The following EXOC4 variants were observed in gnomAD, a reference collection of about 807,000 sequenced individuals.
EXOC4 encodes SEC8-like 1.
Under a neutral mutation model 107.2 loss-of-function variants are expected in EXOC4, and 71 were observed. The observed-to-expected ratio is 0.66, with a 90% CI of 0.55 to 0.81. The LOEUF is 0.81. EXOC4 is among the 30% of genes least tolerant of loss of function. The probability of loss-of-function intolerance (pLI) is 0.00; values close to 1 mark genes in which losing one functional copy is unlikely to be tolerated. For missense variants in EXOC4, 1,108 were observed against 1,189.6 expected, an observed-to-expected ratio of 0.93 and a Z score of 1.01; for synonymous variants, 456 against 441.2, an observed-to-expected ratio of 1.03 and a Z score of -0.42.
At position 134,056,244 on chromosome 7, in the gene EXOC4, GAA is replaced by G. The variant is rs548927708; in HGVS notation, c.2688-8044_2688-8043del. Among the ~76,000 whole-genome samples, 224 of 152,216 alleles carry G rather than the reference GAA, an allele frequency of 1.5e-3. 1 individual carries two copies. The highest frequency in any genetic ancestry group is 2.5e-3 in the Non-Finnish European group (170 of 68,010). ...ATTTGATGAACTATTTTCTTAAATT[GAA>G]AAGACTCTAAAGTGATATTCAGCTC... is the stretch of plus-strand genomic sequence containing the variant. On this transcript the variant is annotated intron_variant, in intron 17 of 17. Transcript: ENST00000253861.
chr7:133,520,026 AT>A (rs1259976662), intron 9 of EXOC4, among the ~76,000 whole-genome samples: 2 of 147,070 alleles, frequency 1.4e-5, no homozygotes, highest in African/African-American at 2.7e-5. Context: ...AAAAGTAAAT[AT>A]TTATTAAATG....
At chr7:133,537,841 G>A (rs1895561) in intron 9 of EXOC4, among the ~76,000 whole-genome samples, 150,673 of 152,368 alleles carry the variant, frequency 0.99, 74,523 homozygotes, top group East Asian at 1. Context: ...AAGTGTCATC[G>A]TGAAAGAACA....
intron 11 of EXOC4, among the ~76,000 whole-genome samples, chr7:133,824,191 G>A (rs753480325): frequency 2.6e-5 from 4 of 151,430 alleles, no homozygotes; most frequent in Non-Finnish European, 4.4e-5. Context: ...GGAGTAATGG[G>A]TGTAAAACAT....
chr7:133,554,149 T>TAA (rs1315503402), intron 9 of EXOC4, among the ~76,000 whole-genome samples: 2 of 152,154 alleles, frequency 1.3e-5, no homozygotes, highest in Non-Finnish European at 2.9e-5. Flanking sequence ...GGTGGATCTT[T>TAA]AGGAAAATAG....
rs561815405 is a variant in EXOC4, at chr7:133,590,172, G to A, written c.1418-39873G>A. Reference sequence around the variant, plus strand: ...CAGTGCACATGCAGGCCCCTGGTCCGTTGTGGGCATGCTCAGGCAAGACCT... The same window carrying A: ...CAGTGCACATGCAGGCCCCTGGTCCATTGTGGGCATGCTCAGGCAAGACCT... On this transcript the variant is annotated intron_variant, in intron 9 of 17. Coordinates refer to ENST00000253861, the MANE Select transcript of EXOC4 (RefSeq NM_021807.4). 2.2e-4 allele frequency among the ~76,000 whole-genome samples: 33 copies of A among 152,210 alleles called. 1 individual carries two copies. The highest frequency in any genetic ancestry group is 3.3e-4 in the Admixed American group (5 of 15,288).
intron 12 of EXOC4, among the ~76,000 whole-genome samples, chr7:133,904,271 A>T (rs1799519387): frequency 6.6e-6 from 1 of 152,196 alleles, no homozygotes; most frequent in South Asian, 2.1e-4. Flanking sequence ...CCCTGAAATT[A>T]TGTTTTTGGC....
chr7:133,795,133 A>G (rs1217656589), intron 10 of EXOC4, among the ~76,000 whole-genome samples: 2 of 152,196 alleles, frequency 1.3e-5, no homozygotes, highest in Non-Finnish European at 2.9e-5. Context: ...GTTGAATAGA[A>G]CTATTACCCT....
rs528299031 is a variant in EXOC4, at chr7:133,430,142, G to T, written c.1183-45186G>T. On this transcript the variant is annotated intron_variant, in intron 7 of 17. Coordinates refer to ENST00000253861, the MANE Select transcript of EXOC4 (RefSeq NM_021807.4). ...TGAGTGATGGAAGTGGCTGTCAGCG[G>T]GATGGGGAGCTGGAAAGGAGATGGA... Among the ~76,000 whole-genome samples the T allele has an allele frequency of 2.8e-3, 419 of 152,150 alleles. 6 individuals carry two copies. The highest frequency in any genetic ancestry group is 6.6e-3 in the Admixed American group (101 of 15,300).
chr7:133,699,375 A>C (rs960121692), intron 10 of EXOC4, among the ~76,000 whole-genome samples: 1 of 152,184 alleles, frequency 6.6e-6, no homozygotes. Context: ...CCAACTCGCC[A>C]AAGAGTTTAT....
intron 9 of EXOC4, among the ~76,000 whole-genome samples, chr7:133,499,158 G>T (rs1395207804): frequency 2.1e-5 from 3 of 144,744 alleles, no homozygotes; most frequent in African/African-American, 7.6e-5. Context: ...TTCCTTCTTT[G>T]TAGCACATGG....
chr7:133,291,205 G>GT (rs1418762914), intron 3 of EXOC4, among the ~76,000 whole-genome samples: 1 of 151,664 alleles, frequency 6.6e-6, no homozygotes, highest in Non-Finnish European at 1.5e-5. Flanking sequence ...CGGAGGTTTT[G>GT]TTTCGTTTTC....
chr7:134,014,440 A>G (rs1477685036), intron 17 of EXOC4, among the ~76,000 whole-genome samples: 2 of 152,196 alleles, frequency 1.3e-5, no homozygotes, highest in African/African-American at 4.8e-5. Flanking sequence ...CCATCAACGT[A>G]TGGATGAATA....
Position 133,545,746 on chromosome 7 carries a change from A to G in EXOC4, c.1417+65608A>G, listed in dbSNP as rs544205172. 3.6e-4 allele frequency among the ~76,000 whole-genome samples: 55 copies of G among 152,278 alleles called. 2 individuals carry two copies. In the South Asian group the frequency reaches 0.011, roughly 29 times the overall value. Reference sequence around the variant, plus strand: ...CTTTCTTCAAGTTACTTTGCAGTCTATATCTATTGCTTAAATGTGCTGGTG... The same window carrying G: ...CTTTCTTCAAGTTACTTTGCAGTCTGTATCTATTGCTTAAATGTGCTGGTG... On this transcript the variant is annotated intron_variant, in intron 9 of 17. Coordinates refer to ENST00000253861, the MANE Select transcript of EXOC4 (RefSeq NM_021807.4).
At chr7:133,853,368 AC>A (rs1563027511) in intron 11 of EXOC4, among the ~76,000 whole-genome samples, 1 of 116,288 alleles carries the variant, frequency 8.6e-6, no homozygotes, top group East Asian at 2.0e-4. Context: ...ACACACACAC[AC>A]ACACACACAC....
chr7:133,763,205 C>T (rs574508895), intron 10 of EXOC4, among the ~76,000 whole-genome samples: 1 of 152,074 alleles, frequency 6.6e-6, no homozygotes, highest in Non-Finnish European at 1.5e-5. Context: ...GCTACTCCCC[C>T]CTGCCACAGC....
rs1459183213 is a variant in EXOC4 at position 133,666,577 on chromosome 7, GT to G, written c.1514+36439del. ...ACATTCAAAATCTTACTTTAATGCA[GT>G]TTATAAGCAACTAGAACCATTACTG... On this transcript the variant is annotated intron_variant, in intron 10 of 17. Transcript: ENST00000253861. Among the ~76,000 whole-genome samples, 3 of 152,092 alleles carry G rather than the reference GT, an allele frequency of 2.0e-5. No homozygotes were observed. The East Asian group carries it at 5.8e-4, about 29-fold the overall frequency.
chr7:133,273,816 A>C (rs765135861), intron 1 of EXOC4, among the ~76,000 whole-genome samples: 1 of 152,192 alleles, frequency 6.6e-6, no homozygotes. Flanking sequence ...AGTTCTAATG[A>C]TGGACTTATA....
At chr7:133,634,391 GTAT>G (rs2151018713) in intron 10 of EXOC4, among the ~76,000 whole-genome samples, 3 of 152,058 alleles carry the variant, frequency 2.0e-5, no homozygotes, top group African/African-American at 7.2e-5. Flanking sequence ...ATGGGCTTTA[GTAT>G]TATCTTCCTT....
intron 5 of EXOC4, among the ~76,000 whole-genome samples, chr7:133,328,836 G>C (rs964770440): frequency 1.3e-5 from 2 of 151,956 alleles, no homozygotes; most frequent in African/African-American, 2.4e-5. Context: ...CCTTTCTCTC[G>C]GGCTGCCCAT....
Sources: allele counts gnomAD v4.1 joint callset (sites outside exome capture counted in the v4.1 genomes callset), GRCh38; gene constraint gnomAD v4.1.1; transcripts MANE v1.5; gene names NCBI Gene and HGNC (gene_info 2026-07-23, HGNC 2026-07-21).